Variants in TXLNB observed in about 807,000 individuals in gnomAD.
The protein encoded by TXLNB is beta-taxilin.
A neutral mutation model predicts 57.4 loss-of-function variants in TXLNB; 37 were observed. The ratio of observed to expected loss-of-function variants is 0.64; its 90% CI spans 0.50 to 0.85. TXLNB has a LOEUF of 0.85. Among genes scored for constraint, TXLNB ranks in the 40% least tolerant of loss-of-function variants. TXLNB has a pLI of 0.00. For synonymous variants in TXLNB, 302 were observed against 309.6 expected (o/e 0.98, Z 0.26); for missense variants, 848 against 825.6 (o/e 1.03, Z -0.33).
At chr6:139,166,525 G>C in the TXLNB span, 1 of 1,614,250 alleles carries the variant, frequency 6.2e-7, no homozygotes, top group Non-Finnish European at 8.5e-7. Flanking sequence ...GCTACGACCT[G>C]GCCTTCCGCT....
At chr6:139,296,452 C>T (rs1424806486), upstream of TXLNB, among the ~76,000 whole-genome samples, 2 of 151,992 alleles carry the variant, frequency 1.3e-5, no homozygotes, top group Non-Finnish European at 2.9e-5. Flanking sequence ...TCTCTAGAAC[C>T]ATTTGGCATC....
At chr6:139,234,897 G>C in the TXLNB span, among the ~76,000 whole-genome samples, 1 of 152,216 alleles carries the variant, frequency 6.6e-6, no homozygotes, top group African/African-American at 2.4e-5. Flanking sequence ...AAAGCAGCTG[G>C]GAAGGGCACT....
At chr6:139,300,839 G>A in the TXLNB span, among the ~76,000 whole-genome samples, 925 of 152,248 alleles carry the variant, frequency 6.1e-3, 25 homozygotes, top group Admixed American at 0.043. Context: ...AGGTTGCAGT[G>A]AGCCGAGATT....
In TXLNB at chr6:139,288,900, C is replaced by T; in HGVS notation, c.-1G>A. 2 of 1,610,392 alleles carry T rather than the reference C, an allele frequency of 1.2e-6. No homozygotes were observed. Among genetic ancestry groups the T allele is most frequent in the Non-Finnish European group, 1.7e-6 (2 of 1,177,468 alleles). On this transcript the variant is annotated 5_prime_UTR_variant, in exon 2 of 10. Coordinates refer to ENST00000358430, the MANE Select transcript of TXLNB (RefSeq NM_153235.4). The stretch of plus-strand genomic sequence containing the variant: ...GCTGTTCAGAGTGATTAGCCTCCAT[C>T]TTGGGAGTAGTATCTAGTGGTAAGC...
At chr6:139,320,525 G>A in the TXLNB span, among the ~76,000 whole-genome samples, 20 of 152,238 alleles carry the variant, frequency 1.3e-4, no homozygotes, top group African/African-American at 3.4e-4. Flanking sequence ...GGTTGGAGAC[G>A]AGACACTGGA....
rs1776515856 is a variant in TXLNB, at chr6:139,262,688, T to C, written c.773A>G (p.Gln258Arg). 3 of 1,614,110 alleles carry C rather than the reference T, an allele frequency of 1.9e-6. No homozygotes were observed. The highest frequency in any genetic ancestry group is 1.1e-5 in the South Asian group (1 of 91,088). Residue 258 changes from glutamine (Q) to arginine (R), a missense_variant, in exon 5 of 10, where the codon CAG (glutamine) becomes CGG (arginine). Coordinates refer to ENST00000358430, the MANE Select transcript of TXLNB (RefSeq NM_153235.4). ...CTCACTCTGCTGCTCGATCTGGCCCTGGATGTCCGTGAGGGTACTCTGGAA... is the reference window on the plus strand; with the variant it reads ...CTCACTCTGCTGCTCGATCTGGCCCCGGATGTCCGTGAGGGTACTCTGGAA... ...SHFQSTLTDI[Q>R]GQIEQQSERN...
chr6:139,193,841 T>TATATATA, the TXLNB span, among the ~76,000 whole-genome samples: 93 of 25,704 alleles, frequency 3.6e-3, no homozygotes, highest in African/African-American at 0.014. Context: ...TATATATATA[T>TATATATA]TTTTTTTTTT....
chr6:139,314,510 C>G, the TXLNB span, among the ~76,000 whole-genome samples: 1 of 152,234 alleles, frequency 6.6e-6, no homozygotes, highest in Non-Finnish European at 1.5e-5. Context: ...CTTACATGCA[C>G]TGATGGCTAT....
intron 7 of TXLNB, 114 bp from the exon 8 acceptor site, chr6:139,248,023 A>G: frequency 5.4e-6 from 3 of 551,508 alleles, no homozygotes; most frequent in South Asian, 7.0e-5. Context: ...TAATTATTTT[A>G]TTTACTACAA....
At chr6:139,288,432 G>T in intron 2 of TXLNB, 44 bp downstream of exon 2, 8 of 1,561,976 alleles carry the variant, frequency 5.1e-6, no homozygotes, top group South Asian at 1.2e-5. Context: ...CCTTTTTTAG[G>T]AATACCATAC....
At chr6:139,265,684 G>A (rs1776597986) in intron 4 of TXLNB, among the ~76,000 whole-genome samples, 1 of 152,164 alleles carries the variant, frequency 6.6e-6, no homozygotes, top group Admixed American at 6.5e-5. Context: ...TGGATGAAAT[G>A]CAAGAAACAA....
chr6:139,164,078 A>ACTCTCTCTCTCT, the TXLNB span, among the ~76,000 whole-genome samples: 3 of 78,546 alleles, frequency 3.8e-5, no homozygotes, highest in Non-Finnish European at 8.1e-5. Flanking sequence ...ACACACACAC[A>ACTCTCTCTCTCT]CACTCTCTCT....
the TXLNB span, among the ~76,000 whole-genome samples, chr6:139,199,217 A>G: frequency 6.6e-6 from 1 of 151,686 alleles, no homozygotes; most frequent in Non-Finnish European, 1.5e-5. Flanking sequence ...TTTTTTTTGC[A>G]AACTAAATTA....
At chr6:139,162,220 G>A in the TXLNB span, among the ~76,000 whole-genome samples, 1 of 152,156 alleles carries the variant, frequency 6.6e-6, no homozygotes, top group Non-Finnish European at 1.5e-5. Context: ...ATCAGGGAGG[G>A]GAGGAGAAGG....
the TXLNB span, among the ~76,000 whole-genome samples, chr6:139,209,167 T>A: frequency 6.6e-6 from 1 of 152,016 alleles, no homozygotes; most frequent in Non-Finnish European, 1.5e-5. Context: ...GAGAATCAAA[T>A]CAAGAACTCA....
At position 139,264,473 on chromosome 6, in the gene TXLNB, A is replaced by G. The variant is rs1406819107; in HGVS notation, c.688-1700T>C. Among the ~76,000 whole-genome samples the G allele has an allele frequency of 5.3e-5, 8 of 152,334 alleles. No homozygotes were observed. The South Asian group carries it at 6.2e-4, about 12-fold the overall frequency. On this transcript the variant is annotated intron_variant, in intron 4 of 9. Coordinates refer to ENST00000358430, the MANE Select transcript of TXLNB (RefSeq NM_153235.4). ...GGTACAGATGATAGGATGGCACTAA[A>G]TAAATGTCAAACAAACAATCATAAC...
chr6:139,193,848 T>A, the TXLNB span, among the ~76,000 whole-genome samples: 44,980 of 101,940 alleles, frequency 0.44, 10,363 homozygotes, highest in Non-Finnish European at 0.53. Flanking sequence ...ATATTTTTTT[T>A]TTTTTTTTTT....
the TXLNB span, among the ~76,000 whole-genome samples, chr6:139,168,269 C>T: frequency 1.3e-5 from 2 of 151,998 alleles, no homozygotes; most frequent in Non-Finnish European, 2.9e-5. Context: ...GATAAGATAC[C>T]ACAATTATTA....
At chr6:139,271,224 C>G (rs1411915605) in intron 3 of TXLNB, 1 of 152,466 alleles carries the variant, frequency 6.6e-6, no homozygotes, top group Non-Finnish European at 1.5e-5. Flanking sequence ...CGGGTTTTCA[C>G]CAAAGCATCA....
Sources: allele counts gnomAD v4.1 joint callset (sites outside exome capture counted in the v4.1 genomes callset), GRCh38; gene constraint gnomAD v4.1.1; transcripts MANE v1.5; gene names NCBI Gene and HGNC (gene_info 2026-07-23, HGNC 2026-07-21).